RBMS3: variants seen among roughly 807,000 people sequenced by gnomAD.
RBMS3 encodes RNA-binding motif, single-stranded-interacting protein 3.
RBMS3 carries 27 observed loss-of-function variants against 66.8 expected under a neutral mutation model. The observed-to-expected ratio is 0.40, with a 90% CI of 0.30 to 0.56. The LOEUF (loss-of-function observed/expected upper bound fraction) is 0.56, where lower values mean the gene tolerates loss of function less well. RBMS3 is among the 20% of genes least tolerant of loss of function. RBMS3 has a pLI of 0.40. For missense variants in RBMS3, 513 were observed against 549.5 expected (o/e 0.93, Z 0.66); for synonymous variants, 188 against 183.0 (o/e 1.03, Z -0.22).
chr3:29,534,840 G>A (rs1229105899), intron 3 of RBMS3, among the ~76,000 whole-genome samples: 2 of 151,914 alleles, frequency 1.3e-5, no homozygotes, highest in South Asian at 2.1e-4. Context: ...TGCAAACTTC[G>A]TGAATTATAA....
rs1398837292 is a variant in RBMS3, at chr3:29,896,199, TCCTTGAATCCTGACAA to T, written c.792-1171_792-1156del. Among the ~76,000 whole-genome samples the T allele has an allele frequency of 3.3e-5, 5 of 151,576 alleles. No individual in the cohort carries two copies. In the East Asian group the frequency reaches 9.8e-4, roughly 30 times the overall value. On this transcript the variant is annotated intron_variant, in intron 8 of 14. Transcript: ENST00000383767. The stretch of plus-strand genomic sequence containing the variant: ...CAGAAAATAAGCTTAAAGAATTTAT[TCCTTGAATCCTGACAA>T]CCTTGAATTCTAGTCCTCCCATATT...
At chr3:29,553,328 C>A (rs1049149317) in intron 3 of RBMS3, among the ~76,000 whole-genome samples, 2 of 152,072 alleles carry the variant, frequency 1.3e-5, no homozygotes, top group African/African-American at 4.8e-5. Context: ...TTTGGATCAA[C>A]AGTAGTAGCA....
intron 1 of RBMS3, among the ~76,000 whole-genome samples, chr3:29,399,366 G>C (rs1019923048): frequency 4.6e-5 from 7 of 152,092 alleles, no homozygotes; most frequent in Admixed American, 3.9e-4. Flanking sequence ...TGTTGGCTTA[G>C]GTACAATGTA....
At chr3:29,789,565 T>A (rs2149424348) in intron 6 of RBMS3, among the ~76,000 whole-genome samples, 1 of 152,278 alleles carries the variant, frequency 6.6e-6, no homozygotes, top group South Asian at 2.1e-4. Context: ...ATTTCAATTG[T>A]CTTAATTGAC....
intron 3 of RBMS3, among the ~76,000 whole-genome samples, chr3:29,560,372 T>C (rs1173059462): frequency 1.3e-5 from 2 of 152,208 alleles, no homozygotes; most frequent in African/African-American, 4.8e-5. Context: ...TTTCAGGAGT[T>C]ACATACAAAT....
intron 1 of RBMS3, among the ~76,000 whole-genome samples, chr3:29,352,492 T>C (rs1559509544): frequency 6.6e-6 from 1 of 152,224 alleles, no homozygotes; most frequent in African/African-American, 2.4e-5. Context: ...ATTTATAAGG[T>C]ACATGTGATA....
At chr3:29,285,721 A>C (rs747587296) in intron 1 of RBMS3, among the ~76,000 whole-genome samples, 109 of 152,166 alleles carry the variant, frequency 7.2e-4, no homozygotes, top group Admixed American at 7.1e-3. Flanking sequence ...CAGGCTGAAT[A>C]TTCAACCATC....
intron 3 of RBMS3, among the ~76,000 whole-genome samples, chr3:29,578,369 T>G (rs1357908931): frequency 1.3e-5 from 2 of 152,298 alleles, no homozygotes; most frequent in Non-Finnish European, 2.9e-5. Context: ...TATAAGTGCT[T>G]TTTTTATTTT....
chr3:29,360,220 G>A lies in RBMS3; in HGVS notation c.76-74523G>A, dbSNP rs191280521. ...TTTCCCTCTACACACTGCTTTAAAT[G>A]TGTCCCAGAGATTCTGGTACATTGT... is the stretch of plus-strand genomic sequence containing the variant. On this transcript the variant is annotated intron_variant, in intron 1 of 14. Coordinates refer to ENST00000383767, the MANE Select transcript of RBMS3 (RefSeq NM_001003793.3). 2.6e-5 allele frequency among the ~76,000 whole-genome samples: 4 copies of A among 152,032 alleles called. No homozygotes were observed. The East Asian group carries it at 7.7e-4, about 29-fold the overall frequency.
chr3:29,463,604 C>A (rs2042440862), intron 2 of RBMS3, among the ~76,000 whole-genome samples: 1 of 123,398 alleles, frequency 8.1e-6, no homozygotes, highest in Non-Finnish European at 1.7e-5. Flanking sequence ...TTATGTATTT[C>A]TGGTTAGTTG....
At chr3:29,857,236 GTGT>G (rs2059099964) in intron 6 of RBMS3, among the ~76,000 whole-genome samples, 2 of 152,160 alleles carry the variant, frequency 1.3e-5, no homozygotes. Flanking sequence ...AAATTGAGAT[GTGT>G]TTTCTTGACC....
In RBMS3 at chr3:29,542,173, G is replaced by A. The variant is rs143941279; in HGVS notation, c.308-44941G>A. Among the ~76,000 whole-genome samples, 42 of 152,286 alleles carry A rather than the reference G, an allele frequency of 2.8e-4. No homozygotes were observed. In the East Asian group the frequency reaches 7.9e-3, roughly 29 times the overall value. ...TGGTGGGTTCTCAAATATTTGTTGA[G>A]AGAACAGTGAACAATTACTGGGTGA... On this transcript the variant is annotated intron_variant, in intron 3 of 14. Transcript: ENST00000383767.
At chr3:29,869,318 AG>A (rs768675387) in intron 7 of RBMS3, among the ~76,000 whole-genome samples, 4 of 152,166 alleles carry the variant, frequency 2.6e-5, no homozygotes, top group Admixed American at 1.3e-4. Flanking sequence ...TGAAATCAAT[AG>A]GGAAAGTTGA....
chr3:29,684,777 T>G (rs941740939), intron 4 of RBMS3, among the ~76,000 whole-genome samples: 8 of 116,922 alleles, frequency 6.8e-5, no homozygotes, highest in Non-Finnish European at 1.4e-4. Flanking sequence ...AGGTTTGTTA[T>G]GTACACACAC....
chr3:29,897,347 C>T (rs764138738), intron 8 of RBMS3, 32 bp from the exon 9 acceptor site: 34 of 1,583,056 alleles, frequency 2.1e-5, no homozygotes, highest in Non-Finnish European at 2.7e-5. Context: ...GTAGCAGCTT[C>T]GTGAATCTTC....
chr3:29,897,343 G>A, intron 8 of RBMS3, 36 bp from the exon 9 acceptor site: 1 of 1,575,798 alleles, frequency 6.3e-7, no homozygotes, highest in Non-Finnish European at 8.7e-7. Context: ...GCATGTAGCA[G>A]CTTCGTGAAT....
intron 10 of RBMS3, among the ~76,000 whole-genome samples, chr3:29,927,608 A>G (rs2060974927): frequency 6.6e-6 from 1 of 152,210 alleles, no homozygotes. Flanking sequence ...TAAGAATTTT[A>G]GAAGACACAT....
intron 1 of RBMS3, among the ~76,000 whole-genome samples, chr3:29,404,480 T>G (rs1053864769): frequency 6.6e-6 from 1 of 152,166 alleles, no homozygotes; most frequent in Non-Finnish European, 1.5e-5. Context: ...TAGGTCCAAC[T>G]TATATAAATG....
At chr3:29,599,213 T>A (rs1032189546) in intron 4 of RBMS3, among the ~76,000 whole-genome samples, 11 of 150,924 alleles carry the variant, frequency 7.3e-5, no homozygotes, top group African/African-American at 2.7e-4. Flanking sequence ...CTGTAGCCAA[T>A]AATAACTTTA....
Sources: allele counts gnomAD v4.1 joint callset (sites outside exome capture counted in the v4.1 genomes callset), GRCh38; gene constraint gnomAD v4.1.1; transcripts MANE v1.5; gene names NCBI Gene and HGNC (gene_info 2026-07-23, HGNC 2026-07-21).